The following MYO18B variants were observed in gnomAD, a reference collection of about 807,000 sequenced individuals.
The protein encoded by MYO18B is myosin XVIIIB.
A neutral mutation model predicts 273.0 loss-of-function variants in MYO18B; 204 were observed. That is an observed-to-expected ratio of 0.75 (90% CI 0.67 to 0.84). The LOEUF is 0.84. Among genes scored for constraint, MYO18B ranks in the 40% least tolerant of loss-of-function variants. MYO18B has a pLI of 0.00. For synonymous variants in MYO18B, 1,330 were observed against 1,305.7 expected, an observed-to-expected ratio of 1.02 and a Z score of -0.40; for missense variants, 3,212 against 3,287.6, an observed-to-expected ratio of 0.98 and a Z score of 0.56.
At chr22:25,885,152 G>A (rs1185336131) in intron 25 of MYO18B, among the ~76,000 whole-genome samples, 1 of 152,114 alleles carries the variant, frequency 6.6e-6, no homozygotes, top group Non-Finnish European at 1.5e-5. Flanking sequence ...CAGCTGCTGC[G>A]ATAAGTCCTC....
At position 26,004,802 on chromosome 22, in the gene MYO18B, T is replaced by C. The variant is rs1934293089; in HGVS notation, c.6417T>C (p.Thr2139=). The C allele has an allele frequency of 1.2e-6, 2 of 1,613,826 alleles. No individual in the cohort carries two copies. Among genetic ancestry groups the C allele is most frequent in the Admixed American group, 1.7e-5 (1 of 59,996 alleles). ...LSCTLSLATD[T]MRTPSRQSAT... ...GTACTCTGTCCCTGGCCACAGATACTATGAGGACTCCTTCTCGACAGTCAG... is the reference window on the plus strand; with the variant it reads ...GTACTCTGTCCCTGGCCACAGATACCATGAGGACTCCTTCTCGACAGTCAG... Residue 2139 remains threonine (T), a synonymous_variant, in exon 42 of 44, where the codon ACT becomes ACC. Coordinates refer to ENST00000335473, the MANE Select transcript of MYO18B (RefSeq NM_032608.7).
At chr22:25,744,959 C>T (rs2085733778) in intron 1 of MYO18B, among the ~76,000 whole-genome samples, 1 of 152,046 alleles carries the variant, frequency 6.6e-6, no homozygotes, top group Admixed American at 6.5e-5. Flanking sequence ...CCCCTGCTGT[C>T]ACGGCTGGTG....
intron 34 of MYO18B, among the ~76,000 whole-genome samples, chr22:25,933,606 T>A (rs1272931221): frequency 3.3e-5 from 5 of 152,208 alleles, no homozygotes; most frequent in African/African-American, 1.2e-4. Flanking sequence ...ATTAAAGTAA[T>A]GGCAAAAAGT....
intron 41 of MYO18B, among the ~76,000 whole-genome samples, chr22:26,003,631 A>G (rs1401660968): frequency 6.6e-6 from 1 of 152,016 alleles, no homozygotes; most frequent in African/African-American, 2.4e-5. Context: ...TCCAACTGTG[A>G]TTTCTGGTTT....
At chr22:25,851,857 G>C (rs939564523) in intron 21 of MYO18B, among the ~76,000 whole-genome samples, 1 of 152,160 alleles carries the variant, frequency 6.6e-6, no homozygotes, top group Non-Finnish European at 1.5e-5. Flanking sequence ...GCAGTGCTGA[G>C]GGCAGCATGA....
intron 11 of MYO18B, among the ~76,000 whole-genome samples, chr22:25,793,962 C>T (rs1307574437): frequency 2.0e-5 from 3 of 151,826 alleles, no homozygotes; most frequent in African/African-American, 7.3e-5. Context: ...GAGACGGAGT[C>T]TTGCTCTGTC....
intron 28 of MYO18B, chr22:25,897,997 G>A (rs1228998426): frequency 1.4e-5 from 4 of 289,612 alleles, no homozygotes; most frequent in East Asian, 7.6e-5. Context: ...CGGTGGCTCA[G>A]GGGTCATCAA....
intron 17 of MYO18B, among the ~76,000 whole-genome samples, chr22:25,843,461 T>C (rs6004792): frequency 9.9e-5 from 15 of 152,256 alleles, no homozygotes; most frequent in African/African-American, 3.4e-4. Context: ...TGATACGTGG[T>C]TATATATATA....
chr22:26,011,903 T>A (rs1934950561), intron 42 of MYO18B, among the ~76,000 whole-genome samples: 1 of 152,264 alleles, frequency 6.6e-6, no homozygotes, highest in African/African-American at 2.4e-5. Flanking sequence ...TTAACACAAC[T>A]GCTTTTCGTT....
At chr22:25,882,776 G>T (rs1288505499) in intron 25 of MYO18B, among the ~76,000 whole-genome samples, 1 of 152,144 alleles carries the variant, frequency 6.6e-6, no homozygotes, top group Non-Finnish European at 1.5e-5. Flanking sequence ...AGCGTACAAT[G>T]GCAGTTTTTT....
intron 8 of MYO18B, among the ~76,000 whole-genome samples, chr22:25,778,261 C>T (rs1267818820): frequency 6.9e-6 from 1 of 144,634 alleles, no homozygotes; most frequent in Non-Finnish European, 1.5e-5. Context: ...ACGTTCAAAA[C>T]TTGAATGTTC....
At chr22:26,045,988 A>G in the MYO18B span, among the ~76,000 whole-genome samples, 5 of 152,246 alleles carry the variant, frequency 3.3e-5, no homozygotes, top group Non-Finnish European at 7.3e-5. Context: ...TCATTGGGGA[A>G]AAATGGAGGC....
rs1041975478 is a variant in MYO18B at position 25,851,575 on chromosome 22, G to C, written c.3881G>C (p.Arg1294Thr). The C allele has an allele frequency of 6.4e-7, 1 of 1,553,034 alleles. No homozygotes were observed. The highest frequency in any genetic ancestry group is 1.4e-5 in the African/African-American group (1 of 73,338). ...TCGACCTCCGAGGGAATAGATGAAA[G>C]GAAGGTAGGTGGAGCACATGCGAGA... ...LMSTSEGIDE[R>T]KAVEELLETL... The change falls in exon 21 of 44, where the codon AGG becomes ACG. Residue 1294 changes from arginine to threonine, a missense_variant. Transcript: ENST00000335473.
intron 11 of MYO18B, among the ~76,000 whole-genome samples, chr22:25,796,689 G>C (rs550243891): frequency 1.6e-4 from 25 of 152,144 alleles, no homozygotes; most frequent in Non-Finnish European, 3.4e-4. Flanking sequence ...CTCAGTTGGT[G>C]GTGGCTACAA....
intron 12 of MYO18B, among the ~76,000 whole-genome samples, chr22:25,818,237 C>T (rs986716366): frequency 1.3e-5 from 2 of 152,142 alleles, no homozygotes; most frequent in Non-Finnish European, 2.9e-5. Context: ...TAATTTCTGT[C>T]CTTTCTCTCT....
intron 39 of MYO18B, among the ~76,000 whole-genome samples, chr22:25,986,395 A>G (rs570793150): frequency 6.6e-6 from 1 of 152,326 alleles, no homozygotes; most frequent in East Asian, 1.9e-4. Context: ...AGGAATGTAA[A>G]AATTGCCTGA....
the MYO18B span, among the ~76,000 whole-genome samples, chr22:26,044,630 A>C: frequency 6.6e-6 from 1 of 152,122 alleles, no homozygotes. Flanking sequence ...ATTGAGTTTC[A>C]CTCATGTATC....
chr22:26,032,615 G>A (rs780932119), downstream of MYO18B, among the ~76,000 whole-genome samples: 21 of 146,418 alleles, frequency 1.4e-4, no homozygotes, highest in Non-Finnish European at 1.3e-4. Flanking sequence ...TCTGCCTCCC[G>A]GGTTCAAGCA....
At chr22:26,046,266 T>C in the MYO18B span, among the ~76,000 whole-genome samples, 1 of 152,182 alleles carries the variant, frequency 6.6e-6, no homozygotes, top group African/African-American at 2.4e-5. Context: ...CACTTGTGAT[T>C]TGGGAGCAGA....
Sources: allele counts gnomAD v4.1 joint callset (sites outside exome capture counted in the v4.1 genomes callset), GRCh38; gene constraint gnomAD v4.1.1; transcripts MANE v1.5; gene names NCBI Gene and HGNC (gene_info 2026-07-23, HGNC 2026-07-21).